The following LIMCH1 variants were observed in gnomAD, a reference collection of about 807,000 sequenced individuals.
LIMCH1 encodes LIM and calponin homology domains 1, also known as LIM and calponin homology domains-containing protein 1.
LIMCH1 carries 113 observed loss-of-function variants against 176.5 expected under a neutral mutation model. The ratio of observed to expected loss-of-function variants is 0.64; its 90% CI spans 0.55 to 0.75. The LOEUF is 0.75. LIMCH1 is among the 30% of genes least tolerant of loss of function. LIMCH1 has a pLI of 0.00. For synonymous variants in LIMCH1, 619 were observed against 645.9 expected, an observed-to-expected ratio of 0.96 and a Z score of 0.63; for missense variants, 1,674 against 1,814.9, an observed-to-expected ratio of 0.92 and a Z score of 1.41.
intron 1 of LIMCH1, among the ~76,000 whole-genome samples, chr4:41,570,489 C>T (rs1475472747): frequency 6.6e-6 from 1 of 152,206 alleles, no homozygotes; most frequent in African/African-American, 2.4e-5. Context: ...GTGGAGTAGA[C>T]ACTAGCCTGT....
chr4:41,606,901 T>C (rs2090795884), intron 4 of LIMCH1, among the ~76,000 whole-genome samples: 1 of 152,182 alleles, frequency 6.6e-6, no homozygotes, highest in East Asian at 1.9e-4. Context: ...CAGATTCAAG[T>C]GATTCTCCTG....
At chr4:41,552,899 C>A (rs1220005395) in intron 1 of LIMCH1, among the ~76,000 whole-genome samples, 1 of 152,050 alleles carries the variant, frequency 6.6e-6, no homozygotes, top group Non-Finnish European at 1.5e-5. Flanking sequence ...ATATAGTTAT[C>A]TCCTTAGGAA....
chr4:41,675,730 C>A (rs955226880), intron 22 of LIMCH1, among the ~76,000 whole-genome samples: 13 of 138,918 alleles, frequency 9.4e-5, no homozygotes, highest in African/African-American at 3.2e-4. Flanking sequence ...ATGGATTTTT[C>A]TCTGTTATTC....
intron 1 of LIMCH1, among the ~76,000 whole-genome samples, chr4:41,412,319 A>G (rs1472793623): frequency 1.3e-5 from 2 of 152,228 alleles, no homozygotes; most frequent in Non-Finnish European, 2.9e-5. Context: ...GACATGGAAT[A>G]TAATTAGGTA....
At chr4:41,634,805 A>G (rs2093495973) in intron 13 of LIMCH1, among the ~76,000 whole-genome samples, 1 of 152,232 alleles carries the variant, frequency 6.6e-6, no homozygotes, top group Non-Finnish European at 1.5e-5. Context: ...GCTGATGTAG[A>G]GAAAAGCTGC....
In LIMCH1 at chr4:41,681,729, A is replaced by G. The variant is rs1362500827; in HGVS notation, c.3718-604A>G. Among the ~76,000 whole-genome samples the G allele has an allele frequency of 2.0e-5, 3 of 152,312 alleles. No homozygotes were observed. In the East Asian group the frequency reaches 5.8e-4, roughly 29 times the overall value. On this transcript the variant is annotated intron_variant, in intron 25 of 31. Coordinates refer to ENST00000503057, the MANE Select transcript of LIMCH1 (RefSeq NM_001330672.2). ...GCATGCTGGGCTTAACACTCAGGTGATGGGTGCAGCAAACCACCATGGCAC... is the reference window on the plus strand; with the variant it reads ...GCATGCTGGGCTTAACACTCAGGTGGTGGGTGCAGCAAACCACCATGGCAC...
chr4:41,467,829 G>A (rs1272779608), intron 1 of LIMCH1, among the ~76,000 whole-genome samples: 1 of 152,216 alleles, frequency 6.6e-6, no homozygotes, highest in Non-Finnish European at 1.5e-5. Flanking sequence ...AGTCAACATT[G>A]TGCTTGTAGG....
intron 2 of LIMCH1, among the ~76,000 whole-genome samples, chr4:41,513,608 A>C (rs1393359321): frequency 6.6e-6 from 1 of 152,226 alleles, no homozygotes; most frequent in African/African-American, 2.4e-5. Context: ...AACTTCATGC[A>C]GTAATGACTG....
At chr4:41,387,644 T>C (rs1427390156) in intron 1 of LIMCH1, among the ~76,000 whole-genome samples, 2 of 152,254 alleles carry the variant, frequency 1.3e-5, no homozygotes, top group Admixed American at 1.3e-4. Flanking sequence ...TGTTTTCTGA[T>C]GAAGGCATGG....
At chr4:41,552,785 A>G (rs966532483) in intron 1 of LIMCH1, among the ~76,000 whole-genome samples, 1 of 152,090 alleles carries the variant, frequency 6.6e-6, no homozygotes, top group African/African-American at 2.4e-5. Context: ...TGTCCTTATT[A>G]CTATTTGATT....
intron 30 of LIMCH1, 33 bp from the exon 31 acceptor site, chr4:41,692,249 C>T: frequency 8.2e-7 from 1 of 1,213,890 alleles, no homozygotes; most frequent in South Asian, 1.2e-5. Context: ...ATTCCTTATG[C>T]ATCTTATGAT....
At chr4:41,641,319 G>A (rs1024280282) in intron 14 of LIMCH1, among the ~76,000 whole-genome samples, 11 of 152,052 alleles carry the variant, frequency 7.2e-5, no homozygotes, top group African/African-American at 2.7e-4. Flanking sequence ...CCTGAACTAG[G>A]GAACATGTTC....
intron 3 of LIMCH1, among the ~76,000 whole-genome samples, chr4:41,605,605 G>A (rs905815320): frequency 1.3e-5 from 2 of 152,184 alleles, no homozygotes; most frequent in Non-Finnish European, 2.9e-5. Flanking sequence ...AATGTGGGTA[G>A]ATTCATTTTT....
rs143566570 is a variant in LIMCH1 at position 41,438,364 on chromosome 4, T to G, written c.97-56172T>G. 7.1e-4 allele frequency among the ~76,000 whole-genome samples: 108 copies of G among 152,060 alleles called. 1 individual carries two copies. In the East Asian group the frequency reaches 0.019, roughly 27 times the overall value. ...TTACAGTGCTTGTGCCTTTTAATTT[T>G]TCTTTTCTTTTCTTTTTTTTTTTTT... On this transcript the variant is annotated intron_variant, in intron 1 of 26. Transcript: ENST00000313860.
intron 18 of LIMCH1, among the ~76,000 whole-genome samples, chr4:41,654,677 G>T (rs2094413667): frequency 6.6e-6 from 1 of 152,148 alleles, no homozygotes; most frequent in Non-Finnish European, 1.5e-5. Context: ...TGTGGGATTT[G>T]TGTTGAAGTG....
intron 1 of LIMCH1, among the ~76,000 whole-genome samples, chr4:41,557,570 G>C (rs868486251): frequency 6.6e-6 from 1 of 152,044 alleles, no homozygotes; most frequent in Non-Finnish European, 1.5e-5. Flanking sequence ...GTGTGTGTGT[G>C]TGTGTAATTA....
intron 13 of LIMCH1, 21 bp downstream of exon 13, chr4:41,633,829 C>G: frequency 6.5e-7 from 1 of 1,530,712 alleles, no homozygotes; most frequent in South Asian, 1.2e-5. Flanking sequence ...TATTCTGTGC[C>G]CTTGTGACTT....
At chr4:41,500,977 A>T (rs1291001159) in intron 2 of LIMCH1, among the ~76,000 whole-genome samples, 1 of 152,198 alleles carries the variant, frequency 6.6e-6, no homozygotes, top group African/African-American at 2.4e-5. Flanking sequence ...AGAAGAGAGA[A>T]AAAACTAGCA....
intron 1 of LIMCH1, among the ~76,000 whole-genome samples, chr4:41,428,004 T>TA (rs111990626): frequency 2.7e-4 from 40 of 148,062 alleles, no homozygotes; most frequent in East Asian, 5.9e-4. Context: ...TATTCAGCAA[T>TA]AAAAAAAAAA....
Sources: gnomAD v4.1 joint callset for allele counts (sites outside exome capture counted in the v4.1 genomes callset) on GRCh38, gnomAD v4.1.1 for gene constraint, MANE v1.5 for transcripts, NCBI Gene and HGNC (gene_info 2026-07-23, HGNC 2026-07-21) for gene names.